Variants in SLC14A2 observed in about 807,000 individuals in gnomAD.
The protein encoded by SLC14A2 is urea transporter 2.
In SLC14A2, 91 loss-of-function variants were observed where a neutral mutation model predicts 104.6. The ratio of observed to expected loss-of-function variants is 0.87; its 90% CI spans 0.73 to 1.04. The LOEUF is 1.04. Ranked by LOEUF, SLC14A2 falls within the 50% of genes least tolerant of loss-of-function variation. The pLI, the probability that SLC14A2 is intolerant of heterozygous loss-of-function variation, is 0.00. For synonymous variants in SLC14A2, 476 were observed against 466.4 expected (o/e 1.02, Z -0.27); for missense variants, 1,189 against 1,156.0 (o/e 1.03, Z -0.41).
chr18:45,237,721 C>T (rs935218247), intron 1 of SLC14A2, among the ~76,000 whole-genome samples: 1 of 152,184 alleles, frequency 6.6e-6, no homozygotes, highest in Non-Finnish European at 1.5e-5. Flanking sequence ...TCTTGTCTTG[C>T]TTGTGGGAGT....
chr18:45,605,975 G>C (rs1383519506), intron 2 of SLC14A2, among the ~76,000 whole-genome samples: 4 of 152,122 alleles, frequency 2.6e-5, no homozygotes, highest in Non-Finnish European at 5.9e-5. Flanking sequence ...GTTCCATACT[G>C]AAATAACACA....
chr18:45,392,954 T>C (rs1375827698), intron 1 of SLC14A2, among the ~76,000 whole-genome samples: 2 of 152,230 alleles, frequency 1.3e-5, no homozygotes, highest in Admixed American at 6.5e-5. Flanking sequence ...TATGTGATCA[T>C]ATTGTTTAAT....
Position 45,283,038 on chromosome 18 carries a change from C to A in SLC14A2, c.-125+69847C>A, listed in dbSNP as rs142789168. 6.8e-3 allele frequency among the ~76,000 whole-genome samples: 1,038 copies of A among 152,278 alleles called. 31 individuals carry two copies. Among genetic ancestry groups the A allele is most frequent in the Admixed American group, 0.055 (848 of 15,302 alleles). ...ACATGACATGGTCACAGCTTTAAGC[C>A]CCTGCCTCATCCTTTTCCCTCCTCC... On this transcript the variant is annotated intron_variant, in intron 1 of 20. Transcript: ENST00000586448.
chr18:45,463,034 T>C (rs1294919108), intron 1 of SLC14A2, among the ~76,000 whole-genome samples: 1 of 152,192 alleles, frequency 6.6e-6, no homozygotes, highest in Non-Finnish European at 1.5e-5. Flanking sequence ...TGTGCTCTGA[T>C]ACAGAATATC....
In SLC14A2 at chr18:45,268,546, T is replaced by C. The variant is rs557193485; in HGVS notation, c.-125+55355T>C. On this transcript the variant is annotated intron_variant, in intron 1 of 20. Transcript: ENST00000586448. Reference sequence around the variant, plus strand: ...TGAAGTGAAAAAGAATGCTCTGATTTTTCCCCCTTTGTCCTGGTGTCTCTT... The same window carrying C: ...TGAAGTGAAAAAGAATGCTCTGATTCTTCCCCCTTTGTCCTGGTGTCTCTT... Among the ~76,000 whole-genome samples the C allele has an allele frequency of 3.3e-5, 5 of 152,330 alleles. No homozygotes were observed. The South Asian group carries it at 1.0e-3, about 32-fold the overall frequency.
At chr18:45,398,960 A>G (rs1390076789) in intron 1 of SLC14A2, among the ~76,000 whole-genome samples, 1 of 152,256 alleles carries the variant, frequency 6.6e-6, no homozygotes, top group East Asian at 1.9e-4. Flanking sequence ...ACGAACATTT[A>G]AACATTAAAA....
chr18:45,383,512 A>C (rs2085860842), intron 1 of SLC14A2, among the ~76,000 whole-genome samples: 1 of 152,130 alleles, frequency 6.6e-6, no homozygotes, highest in South Asian at 2.1e-4. Flanking sequence ...CAGAGCAACC[A>C]CTCACCAGTA....
chr18:45,429,708 C>A (rs2086485319), intron 1 of SLC14A2, among the ~76,000 whole-genome samples: 1 of 152,150 alleles, frequency 6.6e-6, no homozygotes, highest in Admixed American at 6.5e-5. Context: ...GAAAGAAAGA[C>A]AGAAGTGCGT....
chr18:45,186,163 A>G, the SLC14A2 span, among the ~76,000 whole-genome samples: 3 of 152,232 alleles, frequency 2.0e-5, no homozygotes, highest in Non-Finnish European at 2.9e-5. Flanking sequence ...CCTACAACCG[A>G]AAACAACTTT....
intron 1 of SLC14A2, among the ~76,000 whole-genome samples, chr18:45,301,023 G>A (rs1278806566): frequency 3.9e-5 from 6 of 152,190 alleles, no homozygotes; most frequent in Non-Finnish European, 4.4e-5. Flanking sequence ...ATTTGGGGCC[G>A]AAAACAAGTA....
At chr18:45,199,930 G>A in the SLC14A2 span, among the ~76,000 whole-genome samples, 1 of 152,142 alleles carries the variant, frequency 6.6e-6, no homozygotes, top group Non-Finnish European at 1.5e-5. Context: ...TCCAATCTCT[G>A]TGAAGTGCAG....
chr18:45,276,364 G>A (rs1297214964), intron 1 of SLC14A2, among the ~76,000 whole-genome samples: 3 of 152,174 alleles, frequency 2.0e-5, no homozygotes, highest in Admixed American at 6.5e-5. Flanking sequence ...AAGTGTAAAG[G>A]GGACATAGAA....
intron 1 of SLC14A2, among the ~76,000 whole-genome samples, chr18:45,233,582 A>G (rs2084196038): frequency 6.6e-6 from 1 of 152,122 alleles, no homozygotes; most frequent in Non-Finnish European, 1.5e-5. Flanking sequence ...TGTGGCTCTG[A>G]ACAAAAAGTT....
chr18:45,426,730 C>CACATACAT (rs1555685829), intron 1 of SLC14A2, among the ~76,000 whole-genome samples: 4 of 150,056 alleles, frequency 2.7e-5, no homozygotes, highest in African/African-American at 7.4e-5. Context: ...CACACACACA[C>CACATACAT]ACATACATAC....
chr18:45,168,685 G>C, the SLC14A2 span: 1 of 152,040 alleles, frequency 6.6e-6, no homozygotes, highest in Non-Finnish European at 1.5e-5. Flanking sequence ...TTAGAATATG[G>C]TTTATCATGA....
intron 10 of SLC14A2, among the ~76,000 whole-genome samples, chr18:45,654,647 G>A (rs991034852): frequency 6.6e-6 from 1 of 152,174 alleles, no homozygotes; most frequent in Admixed American, 6.5e-5. Flanking sequence ...TGGAAGCTTC[G>A]AGCTGGGTAG....
chr18:45,672,515 G>A (rs2046157598), intron 16 of SLC14A2, among the ~76,000 whole-genome samples: 1 of 148,788 alleles, frequency 6.7e-6, no homozygotes, highest in Non-Finnish European at 1.5e-5. Flanking sequence ...GGCAACAAGA[G>A]CGAAACTCCA....
chr18:45,427,005 G>C (rs1017664551), intron 1 of SLC14A2, among the ~76,000 whole-genome samples: 7 of 151,996 alleles, frequency 4.6e-5, no homozygotes, highest in Admixed American at 2.0e-4. Flanking sequence ...TCTCAACATA[G>C]AGTTGGGGAA....
chr18:45,232,730 T>C (rs533579194), intron 1 of SLC14A2, among the ~76,000 whole-genome samples: 1 of 152,338 alleles, frequency 6.6e-6, no homozygotes, highest in Non-Finnish European at 1.5e-5. Flanking sequence ...GCTTAATTGG[T>C]TAAGTCACAA....
Sources: gnomAD v4.1 joint callset for allele counts (sites outside exome capture counted in the v4.1 genomes callset) on GRCh38, gnomAD v4.1.1 for gene constraint, MANE v1.5 for transcripts, NCBI Gene and HGNC (gene_info 2026-07-23, HGNC 2026-07-21) for gene names.